The following SMG6 variants were observed in gnomAD, a reference collection of about 807,000 sequenced individuals.
SMG6 encodes telomerase-binding protein EST1A.
SMG6 carries 66 observed loss-of-function variants against 142.2 expected under a neutral mutation model. The observed-to-expected ratio is 0.46, with a 90% CI of 0.38 to 0.57. The LOEUF (loss-of-function observed/expected upper bound fraction) is 0.57. Among genes scored for constraint, SMG6 ranks in the 20% least tolerant of loss-of-function variants. The probability of loss-of-function intolerance (pLI) is 0.00; values close to 1 mark genes in which losing one functional copy is unlikely to be tolerated. For missense variants in SMG6, 1,793 were observed against 1,832.0 expected, an observed-to-expected ratio of 0.98 and a Z score of 0.39; for synonymous variants, 779 against 702.4, an observed-to-expected ratio of 1.11 and a Z score of -1.72.
rs902281981 is a variant in SMG6, at chr17:2,059,889, C to T, written c.*1603G>A. The stretch of plus-strand genomic sequence containing the variant: ...TATTAAGGAAACAAAACCAGTGCTG[C>T]AAACGGGACAGAAAGGAGAGCTGGG... On this transcript the variant is annotated 3_prime_UTR_variant, in exon 19 of 19. Transcript: ENST00000263073. The T allele has an allele frequency of 1.9e-5, 3 of 160,020 alleles. No individual in the cohort carries two copies. Among genetic ancestry groups the T allele is most frequent in the Non-Finnish European group, 4.4e-5 (3 of 68,100 alleles). The allele number at this position is 160,020 out of a possible 1,614,324, so 9.9% of individuals were successfully genotyped here.
At position 2,291,086 on chromosome 17, in the gene SMG6, C is replaced by T. The variant is rs529278188; in HGVS notation, c.2337+1466G>A. On this transcript the variant is annotated intron_variant, in intron 6 of 18. Coordinates refer to ENST00000263073, the MANE Select transcript of SMG6 (RefSeq NM_017575.5). Reference sequence around the variant, plus strand: ...GTGGCTCACGCCTGTAATCCCAGCACTTTGGGAGGCCGAGGCGGGCGGATC... The same window carrying T: ...GTGGCTCACGCCTGTAATCCCAGCATTTTGGGAGGCCGAGGCGGGCGGATC... Among the ~76,000 whole-genome samples the T allele has an allele frequency of 7.9e-5, 12 of 152,256 alleles. No individual in the cohort carries two copies. The South Asian group carries it at 1.4e-3, about 18-fold the overall frequency.
At chr17:2,108,855 A>G (rs1202809842) in intron 13 of SMG6, among the ~76,000 whole-genome samples, 2 of 151,350 alleles carry the variant, frequency 1.3e-5, no homozygotes, top group African/African-American at 4.9e-5. Flanking sequence ...GAGGTGGTAG[A>G]ATCACTTGAA....
intron 9 of SMG6, among the ~76,000 whole-genome samples, chr17:2,242,716 A>G (rs2073839724): frequency 6.8e-6 from 1 of 147,000 alleles, no homozygotes; most frequent in Non-Finnish European, 1.5e-5. Flanking sequence ...AAAAAAAAAA[A>G]AGAATAAGAA....
At chr17:2,287,165 C>T (rs540965473) in intron 6 of SMG6, among the ~76,000 whole-genome samples, 3 of 152,116 alleles carry the variant, frequency 2.0e-5, no homozygotes, top group African/African-American at 4.8e-5. Context: ...GTGATCCGCC[C>T]GCCTCGGCCT....
At chr17:2,170,676 AG>A (rs1350978886) in intron 13 of SMG6, among the ~76,000 whole-genome samples, 1 of 152,242 alleles carries the variant, frequency 6.6e-6, no homozygotes, top group Non-Finnish European at 1.5e-5. Flanking sequence ...TTGGGAAAGA[AG>A]GGTTCTCTGA....
chr17:2,267,153 G>T (rs1397825393), intron 8 of SMG6, among the ~76,000 whole-genome samples: 1 of 152,170 alleles, frequency 6.6e-6, no homozygotes, highest in Non-Finnish European at 1.5e-5. Context: ...TTAAAGACAT[G>T]AAGTCAACTC....
intron 13 of SMG6, among the ~76,000 whole-genome samples, chr17:2,096,732 AG>A (rs1231219887): frequency 1.3e-5 from 2 of 151,888 alleles, no homozygotes; most frequent in African/African-American, 4.9e-5. Flanking sequence ...ACTATGTGAC[AG>A]GGACTGCTAG....
At chr17:2,303,471 G>C in intron 1 of SMG6, 162 bp downstream of exon 1, 1 of 1,319,858 alleles carries the variant, frequency 7.6e-7, no homozygotes, top group Non-Finnish European at 9.6e-7. Context: ...ACTAACCCGC[G>C]AGAGAGGTAG....
At chr17:2,285,755 A>G (rs2151383650) in intron 6 of SMG6, among the ~76,000 whole-genome samples, 1 of 151,842 alleles carries the variant, frequency 6.6e-6, no homozygotes, top group Non-Finnish European at 1.5e-5. Flanking sequence ...CTCACTGCAA[A>G]CTCCACCTCC....
intron 11 of SMG6, 66 bp downstream of exon 11, chr17:2,188,333 A>C (rs1450787445): frequency 1.6e-6 from 2 of 1,285,984 alleles, no homozygotes. Flanking sequence ...ACAGCATGGC[A>C]CTGTGAGGTC....
intron 8 of SMG6, among the ~76,000 whole-genome samples, chr17:2,259,009 C>T (rs553468300): frequency 2.0e-5 from 3 of 150,792 alleles, no homozygotes; most frequent in South Asian, 2.1e-4. Flanking sequence ...ACCCAGGAAG[C>T]GGAAGTTGCA....
intron 8 of SMG6, among the ~76,000 whole-genome samples, chr17:2,268,014 T>A (rs1401509333): frequency 6.6e-6 from 1 of 152,188 alleles, no homozygotes; most frequent in African/African-American, 2.4e-5. Context: ...CCCAAAGTGC[T>A]GGGATTACAG....
At chr17:2,259,688 AAAAAAAGTTC>A (rs2074270120) in intron 8 of SMG6, among the ~76,000 whole-genome samples, 1 of 152,028 alleles carries the variant, frequency 6.6e-6, no homozygotes, top group Admixed American at 6.6e-5. Context: ...AAAAAAAAAA[AAAAAAAGTTC>A]AAGGAATATG....
intron 9 of SMG6, among the ~76,000 whole-genome samples, chr17:2,241,777 G>T (rs1029239990): frequency 1.3e-5 from 2 of 152,194 alleles, no homozygotes; most frequent in African/African-American, 4.8e-5. Flanking sequence ...TAGAAGTGGA[G>T]GGGAAATCAG....
At chr17:2,215,060 A>G (rs2151754374) in intron 10 of SMG6, among the ~76,000 whole-genome samples, 2 of 152,300 alleles carry the variant, frequency 1.3e-5, no homozygotes, top group South Asian at 4.1e-4. Context: ...CCAGCTAGGG[A>G]GCTAACACTA....
At chr17:2,094,414 T>C (rs548291647) in intron 13 of SMG6, among the ~76,000 whole-genome samples, 34 of 152,222 alleles carry the variant, frequency 2.2e-4, no homozygotes, top group Admixed American at 1.9e-3. Flanking sequence ...AAGTTTTGTA[T>C]ATTTAGTAGG....
At chr17:2,148,526 T>C (rs929085946) in intron 13 of SMG6, among the ~76,000 whole-genome samples, 16 of 152,222 alleles carry the variant, frequency 1.1e-4, no homozygotes, top group African/African-American at 3.9e-4. Flanking sequence ...GACAAATATT[T>C]TATGATTCCA....
chr17:2,218,900 C>T (rs145493549), intron 10 of SMG6, among the ~76,000 whole-genome samples: 7 of 151,938 alleles, frequency 4.6e-5, no homozygotes, highest in East Asian at 3.9e-4. Flanking sequence ...ATATTGATAG[C>T]GGAGAAGTTT....
chr17:2,226,968 A>T (rs530169613), intron 10 of SMG6, among the ~76,000 whole-genome samples: 1 of 152,356 alleles, frequency 6.6e-6, no homozygotes, highest in South Asian at 2.1e-4. Flanking sequence ...TACAAGTGGC[A>T]AATAAACACA....
Sources: gnomAD v4.1 joint callset for allele counts (sites outside exome capture counted in the v4.1 genomes callset) on GRCh38, gnomAD v4.1.1 for gene constraint, MANE v1.5 for transcripts, NCBI Gene and HGNC (gene_info 2026-07-23, HGNC 2026-07-21) for gene names.